The following CDC42BPA variants were observed in gnomAD, a reference collection of about 807,000 sequenced individuals.
CDC42BPA encodes the protein serine/threonine-protein kinase MRCK alpha.
CDC42BPA carries 80 observed loss-of-function variants against 223.5 expected under a neutral mutation model. The ratio of observed to expected loss-of-function variants is 0.36; its 90% CI spans 0.30 to 0.43. The LOEUF is 0.43. CDC42BPA is among the 20% of genes least tolerant of loss of function. The pLI is 1.00. For synonymous variants in CDC42BPA, 694 were observed against 718.6 expected, an observed-to-expected ratio of 0.97 and a Z score of 0.55; for missense variants, 1,743 against 2,099.9, an observed-to-expected ratio of 0.83 and a Z score of 3.32.
chr1:227,187,090 T>C (rs1315174542), intron 5 of CDC42BPA, among the ~76,000 whole-genome samples: 1 of 152,314 alleles, frequency 6.6e-6, no homozygotes, highest in East Asian at 1.9e-4. Flanking sequence ...TCAAAGTCTA[T>C]ACTTATTTTC....
chr1:227,245,660 G>GC (rs2148168537), intron 2 of CDC42BPA, among the ~76,000 whole-genome samples: 2 of 152,246 alleles, frequency 1.3e-5, no homozygotes, highest in East Asian at 3.9e-4. Context: ...GAGCCATGAG[G>GC]CCCCCATTCC....
At chr1:227,222,107 C>T (rs2147869479) in intron 2 of CDC42BPA, among the ~76,000 whole-genome samples, 1 of 150,568 alleles carries the variant, frequency 6.6e-6, no homozygotes, top group South Asian at 2.1e-4. Flanking sequence ...GTGGTGCATG[C>T]CTGTGATCCC....
At chr1:227,060,717 C>CTTTTT (rs59728048) in intron 21 of CDC42BPA, among the ~76,000 whole-genome samples, 37 of 95,462 alleles carry the variant, frequency 3.9e-4, no homozygotes, top group East Asian at 7.0e-4. Flanking sequence ...TAAATAGGTA[C>CTTTTT]TTTTTTTTTT....
chr1:227,292,184 T>C (rs1170060894), intron 1 of CDC42BPA, among the ~76,000 whole-genome samples: 2 of 152,144 alleles, frequency 1.3e-5, no homozygotes, highest in Non-Finnish European at 2.9e-5. Flanking sequence ...GGTGTCACCA[T>C]ATTGGCCGGG....
intron 2 of CDC42BPA, among the ~76,000 whole-genome samples, chr1:227,249,585 A>C (rs1362758006): frequency 6.6e-6 from 1 of 152,242 alleles, no homozygotes; most frequent in East Asian, 1.9e-4. Context: ...CAAGGAATTC[A>C]AACAACTCTA....
chr1:227,131,099 G>C (rs1026541485), intron 10 of CDC42BPA, among the ~76,000 whole-genome samples: 2 of 152,052 alleles, frequency 1.3e-5, no homozygotes, highest in Non-Finnish European at 2.9e-5. Flanking sequence ...GTTCTCTGCT[G>C]TTCTTTCCAT....
chr1:227,038,126 A>C (rs1390123177), intron 24 of CDC42BPA, among the ~76,000 whole-genome samples: 1 of 135,434 alleles, frequency 7.4e-6, no homozygotes, highest in Admixed American at 7.1e-5. Flanking sequence ...GAGGTAATTG[A>C]ATCATGGGGG....
intron 11 of CDC42BPA, among the ~76,000 whole-genome samples, chr1:227,120,528 T>A (rs1370823974): frequency 2.0e-5 from 3 of 152,226 alleles, no homozygotes; most frequent in Non-Finnish European, 4.4e-5. Context: ...GTATCAGAGC[T>A]AAGACTAGAG....
rs1694532541 is a variant in CDC42BPA, at chr1:227,317,077, T to C, written c.106A>G (p.Ile36Val). 1 of 1,614,004 alleles carries C rather than the reference T, an allele frequency of 6.2e-7. No homozygotes were observed. Among genetic ancestry groups the C allele is most frequent in the Non-Finnish European group, 8.5e-7 (1 of 1,179,846 alleles). ...TTATTGCATTCATCATAAAGGCAGA[T>C]GAGTATATCCAGTAATGTCTCCACA... Reference protein sequence around the residue: ...FSVETLLDILICLYDECNNSP... With the variant: ...FSVETLLDILVCLYDECNNSP... Residue 36 changes from isoleucine (I) to valine (V), a missense_variant, in exon 1 of 37, where the codon ATC (isoleucine) becomes GTC (valine). Ile to Val is a conservative substitution (Grantham distance 29). This residue lies in a region of CDC42BPA where 321 missense variants were observed against 488.7 expected (regional missense o/e 0.66). Transcript: ENST00000366766.
At chr1:227,186,294 G>A in intron 5 of CDC42BPA, among the ~76,000 whole-genome samples, 1 of 152,196 alleles carries the variant, frequency 6.6e-6, no homozygotes, top group East Asian at 1.9e-4. Flanking sequence ...AGAGGGAGGA[G>A]AAAAGAGAAT....
chr1:227,162,021 G>T (rs1663997215), intron 5 of CDC42BPA, among the ~76,000 whole-genome samples: 3 of 152,116 alleles, frequency 2.0e-5, no homozygotes, highest in Admixed American at 2.0e-4. Context: ...CAATTACTAA[G>T]ACCATTTTTA....
intron 15 of CDC42BPA, among the ~76,000 whole-genome samples, chr1:227,092,716 TTTCA>T (rs1683304683): frequency 6.6e-6 from 1 of 152,314 alleles, no homozygotes; most frequent in African/African-American, 2.4e-5. Flanking sequence ...TTCGAAATAA[TTTCA>T]TTATTATTAG....
At chr1:227,193,049 A>T (rs1389171363) in intron 5 of CDC42BPA, among the ~76,000 whole-genome samples, 1 of 148,344 alleles carries the variant, frequency 6.7e-6, no homozygotes, top group East Asian at 2.0e-4. Context: ...AGAAATGCTG[A>T]CTGGAAGTGA....
chr1:227,031,424 C>T lies in CDC42BPA; in HGVS notation c.3649G>A (p.Val1217Met), dbSNP rs1424384730. Residue 1217 changes from valine (V) to methionine (M), a missense_variant, in exon 28 of 37, where the codon GTG (valine) becomes ATG (methionine). By Grantham distance (21) the Val-to-Met change is conservative. This residue lies in a region of CDC42BPA where 678 missense variants were observed against 777.5 expected (regional missense o/e 0.87). Transcript: ENST00000366766. ...TENEKNKWVGVLSELHKILKK... is the reference protein window; with the variant it reads ...TENEKNKWVGMLSELHKILKK... ...AAAATCTTGTGCAATTCACTCAGCA[C>T]TCCCACCCACTTATTCTTCTCATTC... 2 of 1,614,036 alleles carry T rather than the reference C, an allele frequency of 1.2e-6. No individual in the cohort carries two copies. The highest frequency in any genetic ancestry group is 8.5e-7 in the Non-Finnish European group (1 of 1,179,944).
chr1:227,100,034 T>C lies in CDC42BPA; in HGVS notation c.2249+958A>G, dbSNP rs116305090. Among the ~76,000 whole-genome samples, 355 of 152,302 alleles carry C rather than the reference T, an allele frequency of 2.3e-3. 2 individuals carry two copies. Among genetic ancestry groups the C allele is most frequent in the Non-Finnish European group, 4.4e-3 (300 of 68,026 alleles). On this transcript the variant is annotated intron_variant, in intron 15 of 36. Transcript: ENST00000366766. The stretch of plus-strand genomic sequence containing the variant: ...TTACTGAATGAATAAATGCACCAAA[T>C]TGAATAAATTTGGGCTTCCAATATA...
intron 6 of CDC42BPA, among the ~76,000 whole-genome samples, chr1:227,155,677 C>T (rs192113789): frequency 3.9e-5 from 6 of 152,058 alleles, no homozygotes; most frequent in African/African-American, 9.6e-5. Flanking sequence ...GACAATTACA[C>T]GGGAAATTAA....
intron 2 of CDC42BPA, among the ~76,000 whole-genome samples, chr1:227,246,353 C>T (rs2670460): frequency 6.6e-6 from 1 of 151,992 alleles, no homozygotes; most frequent in Non-Finnish European, 1.5e-5. Flanking sequence ...TACCAGACAG[C>T]ATCTCTGGAC....
In CDC42BPA at chr1:227,129,714, T is replaced by TATATATATATATAC. The variant is rs140091366; in HGVS notation, c.1391-484_1391-483insGTATATATATATAT. Among the ~76,000 whole-genome samples the TATATATATATATAC allele has an allele frequency of 3.7e-4, 39 of 105,802 alleles. No homozygotes were observed. In the East Asian group the frequency reaches 5.5e-3, roughly 15 times the overall value. 69.4% of individuals were successfully genotyped at this position (105,802 alleles called of 152,430 possible). On this transcript the variant is annotated intron_variant, in intron 10 of 36. Coordinates refer to ENST00000366766, the MANE Select transcript of CDC42BPA (RefSeq NM_001394014.1). ...AAAAAATCCACTGCATATATATATA[T>TATATATATATATAC]ACAAAAGAATCCACCTTCTAATAAT...
intron 21 of CDC42BPA, among the ~76,000 whole-genome samples, chr1:227,058,530 G>C (rs1675071607): frequency 1.3e-5 from 2 of 152,138 alleles, no homozygotes; most frequent in South Asian, 4.1e-4. Flanking sequence ...ATTTTACATA[G>C]TATATGAAAA....
Sources: allele counts gnomAD v4.1 joint callset (sites outside exome capture counted in the v4.1 genomes callset), GRCh38; gene constraint gnomAD v4.1.1; regional missense constraint gnomAD v4.1.1; transcripts MANE v1.5; gene names NCBI Gene and HGNC (gene_info 2026-07-23, HGNC 2026-07-21).